The following KPNA5 variants were observed in gnomAD, a reference collection of about 807,000 sequenced individuals.
The protein encoded by KPNA5 is importin subunit alpha-6.
KPNA5 carries 46 observed loss-of-function variants against 71.3 expected under a neutral mutation model. The ratio of observed to expected loss-of-function variants is 0.65; its 90% CI spans 0.51 to 0.83. The LOEUF (loss-of-function observed/expected upper bound fraction) is 0.83. Among genes scored for constraint, KPNA5 ranks in the 40% least tolerant of loss-of-function variants. The probability of loss-of-function intolerance (pLI) is 0.00; values close to 1 mark genes in which losing one functional copy is unlikely to be tolerated. For synonymous variants in KPNA5, 207 were observed against 201.4 expected, an observed-to-expected ratio of 1.03 and a Z score of -0.24; for missense variants, 547 against 628.3, an observed-to-expected ratio of 0.87 and a Z score of 1.38.
chr6:116,716,808 A>G (rs1224006148), intron 8 of KPNA5, among the ~76,000 whole-genome samples: 1 of 152,166 alleles, frequency 6.6e-6, no homozygotes, highest in Non-Finnish European at 1.5e-5. Flanking sequence ...TTTTTAGAAT[A>G]CCATTGTACT....
rs1481927934 is a variant in KPNA5 at position 116,736,763 on chromosome 6, T to G, written c.*4440T>G. The G allele has an allele frequency of 6.6e-6, 1 of 152,006 alleles. No homozygotes were observed. Among genetic ancestry groups the G allele is most frequent in the Non-Finnish European group, 1.5e-5 (1 of 67,942 alleles). The allele number at this position is 152,006 out of a possible 1,614,324, so 9.4% of individuals were successfully genotyped here. ...TAATGCTTTGCTCATTTTTGGTTAT[T>G]TTTCATTTTGTATAGTTTTCATTGT... On this transcript the variant is annotated 3_prime_UTR_variant, in exon 14 of 14. Transcript: ENST00000368564.
chr6:116,724,162 AT>A, intron 9 of KPNA5, 134 bp from the exon 10 acceptor site: 1 of 579,604 alleles, frequency 1.7e-6, no homozygotes, highest in Non-Finnish European at 3.1e-6. Context: ...TGTTATAAAG[AT>A]TATCAGAATA....
intron 4 of KPNA5, 88 bp downstream of exon 4, chr6:116,692,480 A>G (rs1777841496): frequency 1.2e-6 from 1 of 818,216 alleles, no homozygotes; most frequent in South Asian, 1.7e-5. Context: ...ATTTTAAAAT[A>G]CCTTTCTTTG....
chr6:116,705,274 C>A (rs1778397649), intron 7 of KPNA5, 114 bp downstream of exon 7: 1 of 712,892 alleles, frequency 1.4e-6, no homozygotes, highest in Non-Finnish European at 2.2e-6. Flanking sequence ...GGTTATCAAG[C>A]CTGCAGTAGC....
chr6:116,726,657 T>C, intron 12 of KPNA5, 35 bp downstream of exon 12: 1 of 1,474,118 alleles, frequency 6.8e-7, no homozygotes, highest in Non-Finnish European at 9.1e-7. Context: ...TTTTTACATG[T>C]AAATGAGACA....
In KPNA5 at chr6:116,740,852, G is replaced by T. The variant is rs1562463590; in HGVS notation, c.*8529G>T. 1 of 147,986 alleles carries T rather than the reference G, an allele frequency of 6.8e-6. No individual in the cohort carries two copies. The highest frequency in any genetic ancestry group is 1.5e-5 in the Non-Finnish European group (1 of 66,964). The allele number at this position is 147,986 out of a possible 1,614,324, so 9.2% of individuals were successfully genotyped here. ...CACTCTGGGGACTGTTGTGGGGTTG[G>T]GGGAGGGGGGAGGGATAGCTTTAGG... On this transcript the variant is annotated 3_prime_UTR_variant, in exon 14 of 14. Transcript: ENST00000368564.
At chr6:116,728,241 A>G (rs1187516694) in intron 12 of KPNA5, among the ~76,000 whole-genome samples, 1 of 151,916 alleles carries the variant, frequency 6.6e-6, no homozygotes, top group Non-Finnish European at 1.5e-5. Flanking sequence ...TTTGGGCTGC[A>G]AGTTTGTTCA....
At chr6:116,701,422 G>A (rs1165367) in intron 5 of KPNA5, among the ~76,000 whole-genome samples, 67,884 of 151,880 alleles carry the variant, frequency 0.45, 18,197 homozygotes, top group African/African-American at 0.76. Flanking sequence ...TGTATATTCA[G>A]ATTTTAATTG....
At chr6:116,725,993 T>C (rs1313405785) in intron 11 of KPNA5, 117 bp downstream of exon 11, 9 of 1,145,048 alleles carry the variant, frequency 7.9e-6, no homozygotes, top group Non-Finnish European at 9.7e-6. Flanking sequence ...AAAAGTATTT[T>C]AAAGAACATG....
chr6:116,705,186 T>G (rs752659480), intron 7 of KPNA5, 26 bp downstream of exon 7: 1 of 1,496,224 alleles, frequency 6.7e-7, no homozygotes, highest in Admixed American at 1.7e-5. Context: ...CAATTAAGTA[T>G]ATATCAAAAA....
chr6:116,705,962 T>G (rs1562440738), intron 7 of KPNA5, among the ~76,000 whole-genome samples: 1 of 152,232 alleles, frequency 6.6e-6, no homozygotes, highest in Non-Finnish European at 1.5e-5. Context: ...TAACCAATAT[T>G]AATCGAAGAT....
chr6:116,681,511 G>A (rs935238257), intron 1 of KPNA5, 173 bp downstream of exon 1: 7 of 1,364,112 alleles, frequency 5.1e-6, no homozygotes, highest in Non-Finnish European at 5.7e-6. Flanking sequence ...CGGTCGCGGG[G>A]GCGTGGCAGC....
rs1777827536 is a variant in KPNA5 at position 116,692,168 on chromosome 6, C to T, written c.240+12C>T. On this transcript the variant is annotated intron_variant, in intron 3 of 13. Transcript: ENST00000368564. Reference sequence around the variant, plus strand: ...TACCCATTCCAGAGGTATACTTTACCAAAATATGTTTCAAATTATACCTCA... The same window carrying T: ...TACCCATTCCAGAGGTATACTTTACTAAAATATGTTTCAAATTATACCTCA... The T allele has an allele frequency of 6.4e-7, 1 of 1,551,008 alleles. No homozygotes were observed.
Position 116,738,923 on chromosome 6 carries a change from T to C in KPNA5, c.*6600T>C, listed in dbSNP as rs1779767167. ...CTGAATGGGCAAAAACTGGAAGCATTCCCTTTGAAAACTGGCACAAGACAG... is the reference window on the plus strand; with the variant it reads ...CTGAATGGGCAAAAACTGGAAGCATCCCCTTTGAAAACTGGCACAAGACAG... On this transcript the variant is annotated 3_prime_UTR_variant, in exon 14 of 14. Transcript: ENST00000368564. 6.6e-6 allele frequency: 1 copy of C among 151,476 alleles called. No individual in the cohort carries two copies. The highest frequency in any genetic ancestry group is 2.4e-5 in the African/African-American group (1 of 41,240). 9.4% of individuals were successfully genotyped at this position (151,476 alleles called of 1,614,324 possible). A position where few individuals can be genotyped will look rare whatever the true frequency, so the allele number is the denominator to read the frequency against.
rs1156458258 is a variant in KPNA5, at chr6:116,739,865, T to TA, written c.*7545dup. On this transcript the variant is annotated 3_prime_UTR_variant, in exon 14 of 14. Transcript: ENST00000368564. ...ATTAATTCAAGATGGATTAAAGACT[T>TA]AAACATTAGACCAAAAACCATAAAA... is the stretch of plus-strand genomic sequence containing the variant. 6.6e-6 allele frequency: 1 copy of TA among 151,816 alleles called. No individual in the cohort carries two copies. The highest frequency in any genetic ancestry group is 1.5e-5 in the Non-Finnish European group (1 of 67,982). 9.4% of individuals were successfully genotyped at this position (151,816 alleles called of 1,614,324 possible). A position where few individuals can be genotyped will look rare whatever the true frequency, so the allele number is the denominator to read the frequency against.
Position 116,698,922 on chromosome 6 carries a change from A to G in KPNA5, c.435+124A>G, listed in dbSNP as rs1778128232. ...AGTGAATACTTGGTAATTAAAGGAA[A>G]AGGTAGTGCTGCCTATCTTGTCTTG... On this transcript the variant is annotated intron_variant, in intron 5 of 13. Coordinates refer to ENST00000368564, the MANE Select transcript of KPNA5 (RefSeq NM_001366306.2). 24 of 503,978 alleles carry G rather than the reference A, an allele frequency of 4.8e-5. No homozygotes were observed. The East Asian group carries it at 8.6e-4, about 18-fold the overall frequency. The allele number at this position is 503,978 out of a possible 1,614,324, so 31.2% of individuals were successfully genotyped here.
chr6:116,729,553 T>C lies in KPNA5; in HGVS notation c.1254-10T>C. On this transcript the variant is annotated splice_polypyrimidine_tract_variant and intron_variant, in intron 12 of 13. Transcript: ENST00000368564. ...TTTCCCTGTTTCTTCTCTTTTATAT[T>C]AATCTGAAGGTATTTGGTAGCTTTA... 1.4e-6 allele frequency: 2 copies of C among 1,454,780 alleles called. No homozygotes were observed. The highest frequency in any genetic ancestry group is 1.8e-6 in the Non-Finnish European group (2 of 1,093,126). 90.1% of individuals were successfully genotyped at this position (1,454,780 alleles called of 1,614,324 possible).
intron 7 of KPNA5, among the ~76,000 whole-genome samples, chr6:116,710,961 C>G (rs1427198797): frequency 7.3e-6 from 1 of 136,276 alleles, no homozygotes; most frequent in Non-Finnish European, 1.5e-5. Context: ...ATGGCATGAT[C>G]TCGACTCACG....
intron 4 of KPNA5, among the ~76,000 whole-genome samples, chr6:116,696,226 T>G (rs903540302): frequency 3.9e-5 from 6 of 152,170 alleles, no homozygotes; most frequent in African/African-American, 1.4e-4. Context: ...GCTTGCCCAG[T>G]TGGACATACA....
Sources: gnomAD v4.1 joint callset for allele counts (sites outside exome capture counted in the v4.1 genomes callset) on GRCh38, gnomAD v4.1.1 for gene constraint, MANE v1.5 for transcripts, NCBI Gene and HGNC (gene_info 2026-07-23, HGNC 2026-07-21) for gene names.